Variants in CAPS2 observed in about 807,000 individuals in gnomAD.
The protein encoded by CAPS2 is calcyphosine 2, also known as calcyphosin-2.
Under a neutral mutation model 86.5 loss-of-function variants are expected in CAPS2, and 98 were observed. That is an observed-to-expected ratio of 1.13 (90% CI 0.96 to 1.34). CAPS2 has a LOEUF of 1.34. CAPS2 is among the 40% of genes most tolerant of loss of function. CAPS2 has a pLI of 0.00. For synonymous variants in CAPS2, 210 were observed against 225.1 expected (o/e 0.93, Z 0.60); for missense variants, 729 against 686.8 (o/e 1.06, Z -0.69).
chr12:75,288,372 C>G (rs1411111384), intron 14 of CAPS2, among the ~76,000 whole-genome samples: 1 of 151,192 alleles, frequency 6.6e-6, no homozygotes, highest in African/African-American at 2.5e-5. Context: ...TTTGAGCTTC[C>G]AAGCAACTCT....
At chr12:75,291,499 AT>A (rs2035864462) in intron 13 of CAPS2, among the ~76,000 whole-genome samples, 2 of 109,348 alleles carry the variant, frequency 1.8e-5, no homozygotes, top group Non-Finnish European at 3.7e-5. Context: ...ATATATATAT[AT>A]ATATATATAT....
chr12:75,381,404 G>A (rs761318887), intron 1 of CAPS2, among the ~76,000 whole-genome samples: 9 of 151,792 alleles, frequency 5.9e-5, no homozygotes, highest in Non-Finnish European at 1.2e-4. Flanking sequence ...CTAATACAGC[G>A]ACAAACGATA....
rs558562572 is a variant in CAPS2 at position 75,284,028 on chromosome 12, T to C, written c.1515+933A>G. On this transcript the variant is annotated intron_variant, in intron 15 of 16. Transcript: ENST00000393284. ...TCATCTAGTCTGTGGTATTTTGTTA[T>C]GGCAGCCCAAGCAAACTAATACAGA... Among the ~76,000 whole-genome samples, 3 of 152,302 alleles carry C rather than the reference T, an allele frequency of 2.0e-5. No individual in the cohort carries two copies. In the East Asian group the frequency reaches 5.8e-4, roughly 29 times the overall value.
intron 1 of CAPS2, chr12:75,373,909 A>C (rs1012909995): frequency 6.6e-6 from 1 of 152,250 alleles, no homozygotes; most frequent in East Asian, 1.9e-4. Context: ...GTGCATGCCC[A>C]ACTTTATGGC....
chr12:75,288,142 GCTTT>G (rs1189489895), intron 14 of CAPS2, among the ~76,000 whole-genome samples: 1 of 152,128 alleles, frequency 6.6e-6, no homozygotes. Context: ...AGACATCAAG[GCTTT>G]CTAATTTCCT....
chr12:75,280,735 C>A (rs1462102872), intron 16 of CAPS2, among the ~76,000 whole-genome samples: 1 of 151,690 alleles, frequency 6.6e-6, no homozygotes, highest in Admixed American at 6.6e-5. Flanking sequence ...ATAAGTAAAT[C>A]AAACTATTTC....
chr12:75,312,685 G>GA (rs970827441), intron 7 of CAPS2, among the ~76,000 whole-genome samples, 163 bp downstream of exon 7: 25 of 151,996 alleles, frequency 1.6e-4, no homozygotes, highest in Non-Finnish European at 2.6e-4. Context: ...AGAGTGCTGT[G>GA]AAAAAAAATG....
upstream of CAPS2, among the ~76,000 whole-genome samples, chr12:75,330,210 CG>C (rs2041175406): frequency 6.6e-6 from 1 of 152,206 alleles, no homozygotes; most frequent in African/African-American, 2.4e-5. Flanking sequence ...CCTGGCTGAC[CG>C]GAACTGAGCT....
At chr12:75,277,948 A>G (rs1008782699) in exon 17 of CAPS2, 17 of 847,858 alleles carry the variant, frequency 2.0e-5, no homozygotes, top group Non-Finnish European at 5.7e-6. Flanking sequence ...ATTGTTTGTT[A>G]TACTAAAACA....
intron 1 of CAPS2, among the ~76,000 whole-genome samples, chr12:75,389,211 T>C (rs2139877986): frequency 6.6e-6 from 1 of 152,338 alleles, no homozygotes; most frequent in Non-Finnish European, 1.5e-5. Flanking sequence ...AAAATAGTAT[T>C]CACCACTCTG....
upstream of CAPS2, chr12:75,334,414 T>C: frequency 1.9e-6 from 2 of 1,060,398 alleles, no homozygotes; most frequent in Non-Finnish European, 2.3e-6. Context: ...TATTGCAATC[T>C]GTATTACAAT....
At chr12:75,339,309 G>A (rs1412436991) in intron 1 of CAPS2, among the ~76,000 whole-genome samples, 1 of 152,062 alleles carries the variant, frequency 6.6e-6, no homozygotes, top group Non-Finnish European at 1.5e-5. Context: ...GGCCTAAGAT[G>A]GTATCCAATT....
At chr12:75,339,228 A>G (rs142152877) in intron 1 of CAPS2, among the ~76,000 whole-genome samples, 1 of 152,252 alleles carries the variant, frequency 6.6e-6, no homozygotes, top group East Asian at 1.9e-4. Flanking sequence ...AACAATGTAA[A>G]AATGTTCCTT....
intron 5 of CAPS2, among the ~76,000 whole-genome samples, chr12:75,321,138 C>G (rs1221374098): frequency 6.6e-6 from 1 of 151,996 alleles, no homozygotes; most frequent in African/African-American, 2.4e-5. Context: ...TGAAAAACTT[C>G]TAACAGAGAA....
chr12:75,277,619 C>T (rs2033158967), exon 17 of CAPS2: 1 of 984,462 alleles, frequency 1.0e-6, no homozygotes, highest in Non-Finnish European at 1.2e-6. Flanking sequence ...AGTACCTTCT[C>T]ACATCTTGAA....
In CAPS2 at chr12:75,356,974, G is replaced by T. The variant is rs551015514; in HGVS notation, c.-394-33752C>A. On this transcript the variant is annotated intron_variant, in intron 1 of 5. Coordinates refer to the CAPS2 transcript ENST00000551829. Reference sequence around the variant, plus strand: ...GGCTGATGTGGGAGAATCATTTGAGGCAAGAAATTCAAGACCAGCCCTAGC... The same window carrying T: ...GGCTGATGTGGGAGAATCATTTGAGTCAAGAAATTCAAGACCAGCCCTAGC... Among the ~76,000 whole-genome samples the T allele has an allele frequency of 2.0e-5, 3 of 152,132 alleles. No individual in the cohort carries two copies. The East Asian group carries it at 5.8e-4, about 29-fold the overall frequency.
chr12:75,370,142 T>G, intron 1 of CAPS2: 1 of 1,599,656 alleles, frequency 6.3e-7, no homozygotes. Context: ...TTTAATCCAT[T>G]CAGCTTAGGT....
At chr12:75,335,886 T>C (rs1210895782) in intron 1 of CAPS2, among the ~76,000 whole-genome samples, 2 of 152,156 alleles carry the variant, frequency 1.3e-5, no homozygotes, top group African/African-American at 4.8e-5. Context: ...TTAGTATTAA[T>C]ATGGTTGATG....
chr12:75,298,378 A>C (rs1000460879), intron 11 of CAPS2: 3 of 312,836 alleles, frequency 9.6e-6, no homozygotes, highest in African/African-American at 6.2e-5. Flanking sequence ...CCACTCACCC[A>C]ATGACACAGC....
Sources: allele counts gnomAD v4.1 joint callset (sites outside exome capture counted in the v4.1 genomes callset), GRCh38; gene constraint gnomAD v4.1.1; transcripts MANE v1.5; gene names NCBI Gene and HGNC (gene_info 2026-07-23, HGNC 2026-07-21).